The following PTPRT variants were observed in gnomAD, a reference collection of about 807,000 sequenced individuals.
PTPRT encodes receptor-type tyrosine-protein phosphatase T.
In PTPRT, 56 loss-of-function variants were observed where a neutral mutation model predicts 176.8. The observed-to-expected ratio is 0.32, with a 90% CI of 0.26 to 0.40. PTPRT has a LOEUF of 0.40. Among genes scored for constraint, PTPRT ranks in the 10% least tolerant of loss-of-function variants. The probability of loss-of-function intolerance (pLI) is 1.00; values close to 1 mark genes in which losing one functional copy is unlikely to be tolerated. For missense variants in PTPRT, 1,540 were observed against 1,908.2 expected, an observed-to-expected ratio of 0.81 and a Z score of 3.60; for synonymous variants, 783 against 739.0, an observed-to-expected ratio of 1.06 and a Z score of -0.96.
chr20:42,827,805 A>G (rs368920438), intron 2 of PTPRT, among the ~76,000 whole-genome samples: 1 of 152,204 alleles, frequency 6.6e-6, no homozygotes, highest in East Asian at 1.9e-4. Context: ...CCTTAATGTC[A>G]CCATTTGAAA....
intron 6 of PTPRT, among the ~76,000 whole-genome samples, chr20:42,695,595 G>A (rs2075862205): frequency 6.6e-6 from 1 of 152,088 alleles, no homozygotes; most frequent in Non-Finnish European, 1.5e-5. Flanking sequence ...GGAAAAGATG[G>A]AAGACCATAC....
intron 22 of PTPRT, among the ~76,000 whole-genome samples, chr20:42,113,648 G>C (rs1292290041): frequency 6.6e-6 from 1 of 152,220 alleles, no homozygotes; most frequent in Non-Finnish European, 1.5e-5. Flanking sequence ...CTCTAGGCTA[G>C]ACTTCACTGG....
chr20:42,547,724 T>C (rs6072790), intron 7 of PTPRT, among the ~76,000 whole-genome samples: 20,013 of 151,984 alleles, frequency 0.13, 1,764 homozygotes, highest in East Asian at 0.27. Flanking sequence ...TATCCCAGGT[T>C]CTGCTTATCA....
chr20:42,157,274 C>T (rs1400402693), intron 17 of PTPRT, among the ~76,000 whole-genome samples: 1 of 152,116 alleles, frequency 6.6e-6, no homozygotes, highest in Non-Finnish European at 1.5e-5. Context: ...GAACAAATCT[C>T]CCTTCCTTGC....
chr20:42,201,052 T>C (rs1249498448), intron 15 of PTPRT, among the ~76,000 whole-genome samples: 1 of 152,206 alleles, frequency 6.6e-6, no homozygotes, highest in Non-Finnish European at 1.5e-5. Flanking sequence ...CAGTGGCTCA[T>C]GCCTGTAATC....
chr20:42,616,139 T>A (rs2074072357), intron 7 of PTPRT, among the ~76,000 whole-genome samples: 1 of 126,240 alleles, frequency 7.9e-6, no homozygotes, highest in East Asian at 2.0e-4. Context: ...GGGATCCAGT[T>A]TCAGCTTTCT....
chr20:42,876,625 C>T (rs1392515199), intron 2 of PTPRT, among the ~76,000 whole-genome samples: 3 of 152,270 alleles, frequency 2.0e-5, no homozygotes, highest in Non-Finnish European at 2.9e-5. Flanking sequence ...GCTACAGATG[C>T]CCCAGGTGCC....
chr20:42,660,064 G>A (rs572923955), intron 7 of PTPRT, among the ~76,000 whole-genome samples: 21 of 152,170 alleles, frequency 1.4e-4, no homozygotes, highest in Non-Finnish European at 2.8e-4. Context: ...GAATTAAGTC[G>A]CAGGGAAACT....
At chr20:42,414,935 A>G (rs2059051408) in intron 9 of PTPRT, among the ~76,000 whole-genome samples, 1 of 152,204 alleles carries the variant, frequency 6.6e-6, no homozygotes, top group African/African-American at 2.4e-5. Context: ...TGTTTGAAAA[A>G]GATAGCGGGA....
chr20:42,833,013 A>T (rs2078118598), intron 2 of PTPRT, among the ~76,000 whole-genome samples: 1 of 151,888 alleles, frequency 6.6e-6, no homozygotes, highest in Non-Finnish European at 1.5e-5. Flanking sequence ...TTGCTTGAAC[A>T]CAGGAGGCAG....
chr20:42,295,138 G>A (rs1367919224), intron 12 of PTPRT, among the ~76,000 whole-genome samples: 4 of 152,000 alleles, frequency 2.6e-5, no homozygotes, highest in Admixed American at 2.0e-4. Flanking sequence ...CAGTACCCTG[G>A]GGAAAATGCA....
intron 11 of PTPRT, among the ~76,000 whole-genome samples, chr20:42,332,926 G>A (rs891391667): frequency 2.0e-5 from 3 of 152,102 alleles, no homozygotes; most frequent in African/African-American, 2.4e-5. Context: ...AATGCATAAC[G>A]TTGCAAAATC....
At chr20:42,667,624 C>G (rs938341508) in intron 7 of PTPRT, among the ~76,000 whole-genome samples, 2 of 152,072 alleles carry the variant, frequency 1.3e-5, no homozygotes, top group African/African-American at 4.8e-5. Context: ...AAATTTCAAC[C>G]CTGAAATTTA....
intron 1 of PTPRT, among the ~76,000 whole-genome samples, chr20:43,083,355 T>TATAC (rs1440052850): frequency 1.7e-4 from 22 of 127,274 alleles, no homozygotes; most frequent in Non-Finnish European, 3.1e-4. Flanking sequence ...TATATATATA[T>TATAC]ATATATATAT....
At chr20:43,170,549 G>C (rs930471225) in intron 1 of PTPRT, among the ~76,000 whole-genome samples, 4 of 152,106 alleles carry the variant, frequency 2.6e-5, no homozygotes, top group African/African-American at 9.7e-5. Flanking sequence ...CCATCAAATT[G>C]AAATTTATCA....
At chr20:42,660,874 CAG>C (rs1387152589) in intron 7 of PTPRT, among the ~76,000 whole-genome samples, 2 of 152,120 alleles carry the variant, frequency 1.3e-5, no homozygotes, top group Admixed American at 6.6e-5. Flanking sequence ...TTTCTTGAGA[CAG>C]AGTCTCACTT....
chr20:43,068,779 T>C (rs556112734), intron 1 of PTPRT, among the ~76,000 whole-genome samples: 86 of 151,998 alleles, frequency 5.7e-4, no homozygotes, highest in Non-Finnish European at 9.9e-4. Context: ...TGAAGTAATA[T>C]CAAAGAAGGT....
At chr20:42,858,728 T>C (rs774795940) in intron 2 of PTPRT, among the ~76,000 whole-genome samples, 2 of 152,222 alleles carry the variant, frequency 1.3e-5, no homozygotes, top group African/African-American at 2.4e-5. Context: ...TAGTTTATGG[T>C]ACTTTTTTAT....
chr20:42,404,976 A>ATATATATATATATATATATG (rs756468437), intron 9 of PTPRT, among the ~76,000 whole-genome samples: 1 of 132,450 alleles, frequency 7.6e-6, no homozygotes, highest in African/African-American at 2.8e-5. Context: ...AATTAATTAT[A>ATATATATATATATATATATG]TATATATATA....
Sources: gnomAD v4.1 joint callset for allele counts (sites outside exome capture counted in the v4.1 genomes callset) on GRCh38, gnomAD v4.1.1 for gene constraint, MANE v1.5 for transcripts, NCBI Gene and HGNC (gene_info 2026-07-23, HGNC 2026-07-21) for gene names.